LMF1: variants seen among roughly 807,000 people sequenced by gnomAD.
LMF1 encodes transmembrane protein 112.
A neutral mutation model predicts 60.6 loss-of-function variants in LMF1; 68 were observed. That is an observed-to-expected ratio of 1.12 (90% CI 0.92 to 1.37). The LOEUF (loss-of-function observed/expected upper bound fraction) is 1.37. Among genes scored for constraint, LMF1 ranks in the 40% most tolerant of loss-of-function variants. The probability of loss-of-function intolerance (pLI) is 0.00; values close to 1 mark genes in which losing one functional copy is unlikely to be tolerated. For synonymous variants in LMF1, 418 were observed against 324.7 expected (o/e 1.29, Z -3.09); for missense variants, 948 against 767.2 (o/e 1.24, Z -2.78).
At chr16:974,273 C>T (rs929374419), upstream of LMF1, among the ~76,000 whole-genome samples, 80 of 152,314 alleles carry the variant, frequency 5.3e-4, no homozygotes, top group Admixed American at 4.9e-3. Flanking sequence ...GCCGGGAGAT[C>T]GGCCAGGTGT....
At chr16:887,174 AAGG>A (rs2070333883) in intron 5 of LMF1, 1 of 152,142 alleles carries the variant, frequency 6.6e-6, no homozygotes, top group South Asian at 2.1e-4. Flanking sequence ...GTCGCAGTTA[AAGG>A]CATTACAGGA....
chr16:858,301 T>C (rs866866849), intron 10 of LMF1, among the ~76,000 whole-genome samples: 1 of 25,330 alleles, frequency 3.9e-5, no homozygotes, highest in Non-Finnish European at 6.5e-5. Context: ...TGTCTCGGGA[T>C]GGGTGTGCAG....
At chr16:918,078 G>A (rs2071330446) in intron 3 of LMF1, among the ~76,000 whole-genome samples, 1 of 152,254 alleles carries the variant, frequency 6.6e-6, no homozygotes, top group South Asian at 2.1e-4. Flanking sequence ...GATGGCAAAT[G>A]GGAGGGCATT....
At chr16:923,740 A>G (rs924535503) in intron 3 of LMF1, among the ~76,000 whole-genome samples, 1 of 152,196 alleles carries the variant, frequency 6.6e-6, no homozygotes, top group African/African-American at 2.4e-5. Flanking sequence ...AGTGGCCCCC[A>G]ATCTGGCAGA....
intron 10 of LMF1, among the ~76,000 whole-genome samples, chr16:867,722 C>T (rs766423346): frequency 1.3e-4 from 20 of 152,180 alleles, no homozygotes; most frequent in Non-Finnish European, 2.5e-4. Context: ...ATGGAGCCTC[C>T]CCTGGACTGC....
intron 4 of LMF1, chr16:901,153 A>G (rs2070801744): frequency 6.6e-6 from 1 of 152,252 alleles, no homozygotes; most frequent in East Asian, 1.9e-4. Context: ...CTAAAAATCA[A>G]GTGGTCTCCT....
chr16:913,242 G>T (rs930383771), intron 3 of LMF1, among the ~76,000 whole-genome samples: 2 of 152,346 alleles, frequency 1.3e-5, no homozygotes, highest in Admixed American at 6.5e-5. Context: ...TGCTGTGCTG[G>T]GCCTTCCGGG....
At chr16:971,141 C>T (rs564770093), upstream of LMF1, 4 of 677,892 alleles carry the variant, frequency 5.9e-6, no homozygotes, top group South Asian at 2.0e-4. Context: ...CCCCCTCCAG[C>T]CGGCCCCGCC....
chr16:969,490 C>CTGAG (rs1253030642), intron 1 of LMF1, among the ~76,000 whole-genome samples: 1 of 152,218 alleles, frequency 6.6e-6, no homozygotes, highest in African/African-American at 2.4e-5. Flanking sequence ...AAACGTCGAA[C>CTGAG]TGAGCATCAC....
At chr16:866,817 G>A (rs2069621637) in intron 10 of LMF1, among the ~76,000 whole-genome samples, 1 of 152,146 alleles carries the variant, frequency 6.6e-6, no homozygotes, top group South Asian at 2.1e-4. Context: ...GCATCTGCTG[G>A]CATTACTGGG....
chr16:976,855 CAG>C, intron 1 of LMF1: 1 of 454,164 alleles, frequency 2.2e-6, no homozygotes, highest in Non-Finnish European at 4.4e-6. Flanking sequence ...CACATGCGAA[CAG>C]CCTGGGCAGG....
chr16:887,952 G>C (rs1335707017), intron 5 of LMF1, among the ~76,000 whole-genome samples: 1 of 152,198 alleles, frequency 6.6e-6, no homozygotes, highest in Non-Finnish European at 1.5e-5. Context: ...GGCAGATCCA[G>C]GGGACCCCCG....
At chr16:974,973 G>A (rs570989380), upstream of LMF1, among the ~76,000 whole-genome samples, 5 of 152,212 alleles carry the variant, frequency 3.3e-5, no homozygotes, top group Non-Finnish European at 7.3e-5. Flanking sequence ...TCCTGGAAGG[G>A]TGGTCAGTTT....
intron 2 of LMF1, among the ~76,000 whole-genome samples, chr16:941,167 T>C (rs765503966): frequency 3.9e-5 from 6 of 152,222 alleles, no homozygotes; most frequent in Non-Finnish European, 8.8e-5. Flanking sequence ...TTCAACTCAT[T>C]TGTACCTTTA....
intron 9 of LMF1, chr16:869,334 C>T: frequency 1.5e-6 from 1 of 656,084 alleles, no homozygotes; most frequent in East Asian, 3.0e-5. Flanking sequence ...GGCCTTGCCT[C>T]CCTGAGGCTC....
At chr16:914,376 T>C (rs2071209378) in intron 3 of LMF1, among the ~76,000 whole-genome samples, 1 of 152,098 alleles carries the variant, frequency 6.6e-6, no homozygotes, top group South Asian at 2.1e-4. Flanking sequence ...ACACCCGACC[T>C]TCCTGCTCTG....
chr16:880,517 A>T (rs1401915144), intron 5 of LMF1, among the ~76,000 whole-genome samples: 1 of 152,236 alleles, frequency 6.6e-6, no homozygotes, highest in East Asian at 1.9e-4. Flanking sequence ...ATAAAAATAA[A>T]AAATTAGCTG....
chr16:916,635 C>T lies in LMF1; in HGVS notation c.515-5556G>A, dbSNP rs990600936. Among the ~76,000 whole-genome samples the T allele has an allele frequency of 1.3e-5, 2 of 152,328 alleles. 1 individual carries two copies. On this transcript the variant is annotated intron_variant, in intron 3 of 10. Transcript: ENST00000262301. ...AGGCCACACCCACATGGCCCCGGGA[C>T]ACCAGGTGGCCTTGTCTGTGATCCG... is the stretch of plus-strand genomic sequence containing the variant.
intron 1 of LMF1, among the ~76,000 whole-genome samples, chr16:978,524 G>A (rs999865942): frequency 6.6e-6 from 1 of 152,078 alleles, no homozygotes; most frequent in Non-Finnish European, 1.5e-5. Flanking sequence ...TGGCGCCCAG[G>A]CCAGGGCATG....
Sources: allele counts gnomAD v4.1 joint callset (sites outside exome capture counted in the v4.1 genomes callset), GRCh38; gene constraint gnomAD v4.1.1; transcripts MANE v1.5; gene names NCBI Gene and HGNC (gene_info 2026-07-23, HGNC 2026-07-21).